The following FRMD3 variants were observed in gnomAD, a reference collection of about 807,000 sequenced individuals.
FRMD3 encodes FERM domain-containing protein 3.
Under a neutral mutation model 70.2 loss-of-function variants are expected in FRMD3, and 33 were observed. The observed-to-expected ratio is 0.47, with a 90% CI of 0.36 to 0.63. FRMD3 has a LOEUF of 0.63. Among genes scored for constraint, FRMD3 ranks in the 20% least tolerant of loss-of-function variants. FRMD3 has a pLI of 0.00. For synonymous variants in FRMD3, 279 were observed against 255.9 expected (o/e 1.09, Z -0.86); for missense variants, 632 against 711.4 (o/e 0.89, Z 1.27).
At chr9:83,304,287 T>G (rs1835037845) in intron 10 of FRMD3, among the ~76,000 whole-genome samples, 1 of 152,156 alleles carries the variant, frequency 6.6e-6, no homozygotes, top group South Asian at 2.1e-4. Context: ...TATTAATAGT[T>G]TTTAAAAGCT....
chr9:83,362,884 C>T (rs1471361012), intron 3 of FRMD3, among the ~76,000 whole-genome samples: 2 of 119,580 alleles, frequency 1.7e-5, no homozygotes, highest in African/African-American at 6.5e-5. Context: ...CCTTCCCTCC[C>T]TCCTTCCTTC....
chr9:83,504,867 G>A (rs75737054), intron 1 of FRMD3, among the ~76,000 whole-genome samples: 7,127 of 152,172 alleles, frequency 0.047, 246 homozygotes, highest in South Asian at 0.1. Context: ...ATCCTCTCAC[G>A]GTACCTTGCA....
At chr9:83,258,230 T>C (rs1336008919) in intron 13 of FRMD3, among the ~76,000 whole-genome samples, 4 of 152,204 alleles carry the variant, frequency 2.6e-5, no homozygotes, top group African/African-American at 7.2e-5. Flanking sequence ...CTAGAAAAGC[T>C]GTTCTTCATC....
At position 83,494,833 on chromosome 9, in the gene FRMD3, A is replaced by ATGTGTGTGTG. The variant is rs377201441; in HGVS notation, c.147+43242_147+43251dup. ...ATACTGGTGTTTTTTCTGTGCATTT[A>ATGTGTGTGTG]TGTGTGTGTGTGTGTGTGTGTGTGT... On this transcript the variant is annotated intron_variant, in intron 1 of 13. Transcript: ENST00000304195. Among the ~76,000 whole-genome samples, 496 of 149,414 alleles carry ATGTGTGTGTG rather than the reference A, an allele frequency of 3.3e-3. 2 individuals carry two copies. The highest frequency in any genetic ancestry group is 0.011 in the African/African-American group (437 of 40,640).
intron 1 of FRMD3, among the ~76,000 whole-genome samples, chr9:83,523,824 G>A (rs1027494036): frequency 3.9e-5 from 6 of 152,118 alleles, no homozygotes; most frequent in Non-Finnish European, 7.4e-5. Context: ...ATACATGGTG[G>A]AAAAACTATG....
chr9:83,496,988 C>T (rs766245045), intron 1 of FRMD3, among the ~76,000 whole-genome samples: 49 of 152,088 alleles, frequency 3.2e-4, no homozygotes, highest in Non-Finnish European at 4.9e-4. Flanking sequence ...GTGGCGGGCA[C>T]CTGTAATCCC....
At position 83,246,241 on chromosome 9, in the gene FRMD3, GT is replaced by G. The variant is rs1440460120; in HGVS notation, c.*1676del. The G allele has an allele frequency of 1.0e-6, 1 of 984,834 alleles. No homozygotes were observed. Among genetic ancestry groups the G allele is most frequent in the Non-Finnish European group, 1.2e-6 (1 of 829,604 alleles). 61.0% of individuals were successfully genotyped at this position (984,834 alleles called of 1,614,324 possible). A position where few individuals can be genotyped will look rare whatever the true frequency, so the allele number is the denominator to read the frequency against. ...ACTTTGTACATTAGGGCAGTGGAAT[GT>G]TTTCAATCCACAGAGAAGCTCTATG... On this transcript the variant is annotated 3_prime_UTR_variant, in exon 14 of 14. Coordinates refer to ENST00000304195, the MANE Select transcript of FRMD3 (RefSeq NM_174938.6).
At chr9:83,313,458 T>C (rs915696959) in intron 7 of FRMD3, among the ~76,000 whole-genome samples, 1 of 152,112 alleles carries the variant, frequency 6.6e-6, no homozygotes, top group Non-Finnish European at 1.5e-5. Context: ...TACATGGCAA[T>C]CAATGAACAA....
Position 83,372,832 on chromosome 9 carries a change from T to C in FRMD3, c.295+81A>G, listed in dbSNP as rs533017985. 5.5e-6 allele frequency: 7 copies of C among 1,272,590 alleles called. No individual in the cohort carries two copies. In the African/African-American group the frequency reaches 1.0e-4, roughly 19 times the overall value. 78.8% of individuals were successfully genotyped at this position (1,272,590 alleles called of 1,614,324 possible). On this transcript the variant is annotated intron_variant, in intron 3 of 13. Coordinates refer to ENST00000304195, the MANE Select transcript of FRMD3 (RefSeq NM_174938.6). ...CACCTCTTCAACTCTATTATTCCCC[T>C]GGCAGGAGAAAGTTTGTCAGGGAAC... is the stretch of plus-strand genomic sequence containing the variant.
At chr9:83,573,668 C>G in the FRMD3 span, among the ~76,000 whole-genome samples, 2 of 151,942 alleles carry the variant, frequency 1.3e-5, no homozygotes, top group African/African-American at 4.8e-5. Flanking sequence ...CCTCCTCAGT[C>G]CATATGGCAA....
chr9:83,311,974 T>C lies in FRMD3; in HGVS notation c.686A>G (p.Asp229Gly). ...TYGVDPHPCK[D>G]STGTTTFLGF... ...TAAAAATGTTGTTGTGCCTGTTGAA[T>C]CCTGAAAAAAAAAAAAAAGAAAAAA... is the stretch of plus-strand genomic sequence containing the variant. The change falls in exon 8 of 14, where the codon GAT becomes GGT. Residue 229 changes from aspartate (D) to glycine (G), a missense_variant and splice_region_variant. By Grantham distance (94) the Asp-to-Gly change is moderately conservative. This residue lies in a region of FRMD3 where 418 missense variants were observed against 442.1 expected (regional missense o/e 0.95). Transcript: ENST00000304195. The C allele has an allele frequency of 1.3e-6, 2 of 1,529,396 alleles. No individual in the cohort carries two copies. Among genetic ancestry groups the C allele is most frequent in the East Asian group, 2.3e-5 (1 of 42,816 alleles). 94.7% of individuals were successfully genotyped at this position (1,529,396 alleles called of 1,614,324 possible).
At chr9:83,459,601 C>T (rs1350628347) in intron 1 of FRMD3, among the ~76,000 whole-genome samples, 1 of 152,246 alleles carries the variant, frequency 6.6e-6, no homozygotes, top group Non-Finnish European at 1.5e-5. Flanking sequence ...AGGGCCCACA[C>T]TCAACCAACA....
intron 2 of FRMD3, among the ~76,000 whole-genome samples, chr9:83,380,786 CT>C (rs1287553753): frequency 6.6e-6 from 1 of 152,182 alleles, no homozygotes; most frequent in Non-Finnish European, 1.5e-5. Context: ...TCTCAAAGCC[CT>C]TGGTACCCTA....
rs888993735 is a variant in FRMD3, at chr9:83,245,670, A to C, written c.*2248T>G. ...TCCATAATTTAAAAAATATTATATA[A>C]TATTATTTTGAAAGACTGAGGGCCA... On this transcript the variant is annotated 3_prime_UTR_variant, in exon 14 of 14. Coordinates refer to ENST00000304195, the MANE Select transcript of FRMD3 (RefSeq NM_174938.6). 1 of 891,532 alleles carries C rather than the reference A, an allele frequency of 1.1e-6. No individual in the cohort carries two copies. Among genetic ancestry groups the C allele is most frequent in the Non-Finnish European group, 1.3e-6 (1 of 744,644 alleles). The allele number at this position is 891,532 out of a possible 1,614,324, so 55.2% of individuals were successfully genotyped here.
chr9:83,492,955 C>A (rs924337964), intron 1 of FRMD3, among the ~76,000 whole-genome samples: 1 of 152,128 alleles, frequency 6.6e-6, no homozygotes, highest in Non-Finnish European at 1.5e-5. Context: ...GTCCAGGGGC[C>A]GAGACATTCT....
intron 6 of FRMD3, among the ~76,000 whole-genome samples, chr9:83,331,517 G>A (rs1173236201): frequency 6.6e-6 from 1 of 152,154 alleles, no homozygotes; most frequent in Non-Finnish European, 1.5e-5. Flanking sequence ...TATTGCAATG[G>A]AATGATACTA....
chr9:83,253,198 A>G (rs1319929274), intron 13 of FRMD3, among the ~76,000 whole-genome samples: 1 of 152,190 alleles, frequency 6.6e-6, no homozygotes, highest in Non-Finnish European at 1.5e-5. Context: ...TCAAATTAAA[A>G]CTCAAGATTA....
chr9:83,373,512 A>G (rs1182442295), intron 2 of FRMD3, among the ~76,000 whole-genome samples: 2 of 152,226 alleles, frequency 1.3e-5, no homozygotes, highest in East Asian at 1.9e-4. Context: ...GAGGTCATCA[A>G]GAAGAAAAAT....
chr9:83,311,187 C>T (rs1487691216), intron 8 of FRMD3, among the ~76,000 whole-genome samples: 1 of 151,920 alleles, frequency 6.6e-6, no homozygotes, highest in East Asian at 1.9e-4. Context: ...CTCCTCCAGG[C>T]TCCGGGCATT....
Sources: gnomAD v4.1 joint callset for allele counts (sites outside exome capture counted in the v4.1 genomes callset) on GRCh38, gnomAD v4.1.1 for gene constraint, gnomAD v4.1.1 regional missense constraint, MANE v1.5 for transcripts, NCBI Gene and HGNC (gene_info 2026-07-23, HGNC 2026-07-21) for gene names.